Variants in PRKCH observed in about 807,000 individuals in gnomAD.
PRKCH encodes the protein protein kinase C eta type.
In PRKCH, 28 loss-of-function variants were observed where a neutral mutation model predicts 82.5. The ratio of observed to expected loss-of-function variants is 0.34; its 90% CI spans 0.25 to 0.47. PRKCH has a LOEUF of 0.47. Ranked by LOEUF, PRKCH falls within the 20% of genes least tolerant of loss-of-function variation. PRKCH has a pLI of 1.00. For synonymous variants in PRKCH, 322 were observed against 327.4 expected (o/e 0.98, Z 0.18); for missense variants, 705 against 881.8 (o/e 0.80, Z 2.54).
chr14:61,411,215 C>T (rs1326864185), intron 2 of PRKCH, among the ~76,000 whole-genome samples: 1 of 152,196 alleles, frequency 6.6e-6, no homozygotes, highest in African/African-American at 2.4e-5. Context: ...CTCTTTGGTT[C>T]ATGTACCAGT....
At chr14:61,495,059 A>C (rs1390705018) in intron 10 of PRKCH, among the ~76,000 whole-genome samples, 4 of 152,206 alleles carry the variant, frequency 2.6e-5, no homozygotes, top group African/African-American at 9.7e-5. Flanking sequence ...AGTTGACCTC[A>C]TTTTGAGTTT....
chr14:61,494,144 G>A (rs1020670737), intron 10 of PRKCH, among the ~76,000 whole-genome samples: 5 of 152,138 alleles, frequency 3.3e-5, no homozygotes, highest in Non-Finnish European at 7.4e-5. Flanking sequence ...AGGATGGGCT[G>A]AATTAAATAT....
At position 61,322,245 on chromosome 14, in the gene PRKCH, C is replaced by T. The variant is rs923637190; in HGVS notation, c.144C>T (p.Ser48=). The change falls in exon 1 of 14, where the codon AGC becomes AGT. Residue 48 remains serine (S), a synonymous_variant. Transcript: ENST00000332981. Reference sequence around the variant, plus strand: ...TGCTGGACCCCTATCTGACGGTGAGCGTGGACCAGGTGCGCGTGGGCCAGA... The same window carrying T: ...TGCTGGACCCCTATCTGACGGTGAGTGTGGACCAGGTGCGCGTGGGCCAGA... ...HQLLDPYLTV[S]VDQVRVGQTS... 1 of 1,613,444 alleles carries T rather than the reference C, an allele frequency of 6.2e-7. No homozygotes were observed. Among genetic ancestry groups the T allele is most frequent in the African/African-American group, 1.3e-5 (1 of 74,908 alleles).
intron 1 of PRKCH, among the ~76,000 whole-genome samples, chr14:61,218,973 G>C (rs1460354699): frequency 1.3e-5 from 2 of 152,238 alleles, no homozygotes; most frequent in African/African-American, 4.8e-5. Flanking sequence ...AGCCTTGGCT[G>C]GCAGGAGAAG....
intron 9 of PRKCH, among the ~76,000 whole-genome samples, chr14:61,483,421 A>G (rs1886069410): frequency 1.3e-5 from 2 of 152,264 alleles, no homozygotes; most frequent in Non-Finnish European, 2.9e-5. Context: ...CTGTTGGCTT[A>G]CATTGGCCAA....
chr14:61,264,643 T>C (rs1232667811), intron 1 of PRKCH, among the ~76,000 whole-genome samples: 5 of 152,104 alleles, frequency 3.3e-5, no homozygotes, highest in Admixed American at 1.3e-4. Context: ...TGAAAGCACA[T>C]AGAGATTTAG....
intron 1 of PRKCH, among the ~76,000 whole-genome samples, chr14:61,208,326 G>C (rs2044543547): frequency 6.6e-6 from 1 of 151,932 alleles, no homozygotes; most frequent in South Asian, 2.1e-4. Flanking sequence ...TGTGGCACTG[G>C]GGAAAGTACT....
At chr14:61,234,328 A>T (rs1004279083) in intron 1 of PRKCH, among the ~76,000 whole-genome samples, 1 of 152,158 alleles carries the variant, frequency 6.6e-6, no homozygotes, top group African/African-American at 2.4e-5. Flanking sequence ...AGGGGGGGAA[A>T]TTGAGCTGAT....
At chr14:61,209,162 C>T (rs1344576839) in intron 1 of PRKCH, among the ~76,000 whole-genome samples, 1 of 152,074 alleles carries the variant, frequency 6.6e-6, no homozygotes, top group East Asian at 1.9e-4. Flanking sequence ...ATGATGTAGC[C>T]CAAAGGCCCT....
At chr14:61,453,514 TTTC>T (rs1244382702) in intron 7 of PRKCH, among the ~76,000 whole-genome samples, 161 bp downstream of exon 7, 1 of 151,578 alleles carries the variant, frequency 6.6e-6, no homozygotes, top group East Asian at 2.0e-4. Flanking sequence ...TTCTTTCTTT[TTTC>T]TTTTCTTTCT....
intron 2 of PRKCH, among the ~76,000 whole-genome samples, chr14:61,415,913 C>T (rs1882522719): frequency 6.6e-6 from 1 of 152,156 alleles, no homozygotes; most frequent in Admixed American, 6.5e-5. Flanking sequence ...CTCTAAGTAC[C>T]TCCTATAAGT....
At chr14:61,193,540 A>C (rs1000851168) in intron 1 of PRKCH, among the ~76,000 whole-genome samples, 8 of 152,136 alleles carry the variant, frequency 5.3e-5, no homozygotes, top group African/African-American at 1.7e-4. Flanking sequence ...TAAAAAAAAA[A>C]CAGAAATCAT....
chr14:61,243,383 C>CAAA (rs10555022), intron 1 of PRKCH, among the ~76,000 whole-genome samples: 4 of 103,378 alleles, frequency 3.9e-5, no homozygotes, highest in East Asian at 2.7e-4. Flanking sequence ...GACTCTGTCT[C>CAAA]AAAAAAAAAA....
At chr14:61,323,872 T>A (rs998269390) in intron 1 of PRKCH, among the ~76,000 whole-genome samples, 8 of 152,164 alleles carry the variant, frequency 5.3e-5, no homozygotes, top group African/African-American at 1.9e-4. Flanking sequence ...ATTGTTGAGT[T>A]CTATTAGTGT....
rs552039864 is a variant in PRKCH, at chr14:61,327,754, C to T, written c.363+5290C>T. ...CCACCTCTCTTATTCACTGTCCTAACCCTGGGACAATGTCTCATATGTAGT... is the reference window on the plus strand; with the variant it reads ...CCACCTCTCTTATTCACTGTCCTAATCCTGGGACAATGTCTCATATGTAGT... On this transcript the variant is annotated intron_variant, in intron 1 of 13. Transcript: ENST00000332981. Among the ~76,000 whole-genome samples, 7 of 152,246 alleles carry T rather than the reference C, an allele frequency of 4.6e-5. No homozygotes were observed. In the East Asian group the frequency reaches 1.2e-3, roughly 25 times the overall value.
chr14:61,483,006 T>A (rs1886052088), intron 9 of PRKCH, among the ~76,000 whole-genome samples: 1 of 152,180 alleles, frequency 6.6e-6, no homozygotes, highest in African/African-American at 2.4e-5. Context: ...TCAGAGCAAT[T>A]GGAATTCATG....
At chr14:61,329,234 C>CTTTTTTTCTTTTTTT (rs1476293025) in intron 1 of PRKCH, among the ~76,000 whole-genome samples, 11 of 63,464 alleles carry the variant, frequency 1.7e-4, no homozygotes, top group African/African-American at 3.4e-4. Context: ...ACTCCTGAGT[C>CTTTTTTTCTTTTTTT]TTTTTTTTTT....
At chr14:61,285,153 A>G (rs1294307396) in intron 1 of PRKCH, among the ~76,000 whole-genome samples, 26 of 152,170 alleles carry the variant, frequency 1.7e-4, no homozygotes, top group Admixed American at 1.7e-3. Flanking sequence ...TCCTTGGGAT[A>G]AAATTCTAAA....
Position 61,477,762 on chromosome 14 carries a change from C to T in PRKCH, c.1279-7740C>T, listed in dbSNP as rs1035577031. 4.6e-5 allele frequency among the ~76,000 whole-genome samples: 7 copies of T among 152,340 alleles called. No homozygotes were observed. The South Asian group carries it at 1.0e-3, about 23-fold the overall frequency. ...TTTCCCAGAAAGAAAAGTCCTTACC[C>T]GGTCAAGGCCATTACCATATAGCAT... On this transcript the variant is annotated intron_variant, in intron 9 of 13. Transcript: ENST00000332981.
Sources: gnomAD v4.1 joint callset for allele counts (sites outside exome capture counted in the v4.1 genomes callset) on GRCh38, gnomAD v4.1.1 for gene constraint, MANE v1.5 for transcripts, NCBI Gene and HGNC (gene_info 2026-07-23, HGNC 2026-07-21) for gene names.